Variants in FAM200B observed in about 807,000 individuals in gnomAD.
The protein encoded by FAM200B is zinc finger BED-type containing 11.
In FAM200B, 32 loss-of-function variants were observed where a neutral mutation model predicts 33.1. The observed-to-expected ratio is 0.97, with a 90% CI of 0.73 to 1.30. The LOEUF is 1.30. Among genes scored for constraint, FAM200B ranks in the 50% most tolerant of loss-of-function variants. The pLI, the probability that FAM200B is intolerant of heterozygous loss-of-function variation, is 0.00. For missense variants in FAM200B, 741 were observed against 754.0 expected, an observed-to-expected ratio of 0.98 and a Z score of 0.20; for synonymous variants, 240 against 264.8, an observed-to-expected ratio of 0.91 and a Z score of 0.91.
rs1039551868 is a variant in FAM200B, at chr4:15,690,213, T to C, written c.*1262T>C. 1 of 167,106 alleles carries C rather than the reference T, an allele frequency of 6.0e-6. No individual in the cohort carries two copies. Among genetic ancestry groups the C allele is most frequent in the African/African-American group, 2.4e-5 (1 of 41,460 alleles). 10.4% of individuals were successfully genotyped at this position (167,106 alleles called of 1,614,324 possible). A position where few individuals can be genotyped will look rare whatever the true frequency, so the allele number is the denominator to read the frequency against. ...TGATGCTTAAGCAATGTATATTGTG[T>C]AATATACAATGTAGTCTTCAAACTA... is the stretch of plus-strand genomic sequence containing the variant. On this transcript the variant is annotated 3_prime_UTR_variant, in exon 2 of 2. Transcript: ENST00000422728.
At chr4:15,655,924 C>A in the FAM200B span, among the ~76,000 whole-genome samples, 3 of 152,354 alleles carry the variant, frequency 2.0e-5, no homozygotes, top group East Asian at 5.8e-4. Context: ...GAGCTGCGGG[C>A]TCTGAGAGCT....
chr4:15,679,491 C>G (rs528954117), upstream of FAM200B, among the ~76,000 whole-genome samples: 6 of 145,758 alleles, frequency 4.1e-5, no homozygotes, highest in African/African-American at 1.5e-4. Context: ...ATTTTGATCA[C>G]AAGAGATTTT....
the FAM200B span, among the ~76,000 whole-genome samples, chr4:15,659,512 G>T: frequency 6.6e-6 from 1 of 152,164 alleles, no homozygotes; most frequent in Non-Finnish European, 1.5e-5. Context: ...AGGAGAATGT[G>T]AGCTGCACCG....
At chr4:15,683,304 TA>T (rs138128286) in intron 1 of FAM200B, among the ~76,000 whole-genome samples, 2 of 151,530 alleles carry the variant, frequency 1.3e-5, no homozygotes, top group African/African-American at 2.4e-5. Context: ...CCTATTGAGT[TA>T]AAAAAAAACT....
the FAM200B span, chr4:15,655,455 A>G: frequency 1.5e-5 from 14 of 922,840 alleles, no homozygotes; most frequent in African/African-American, 1.8e-5. Context: ...GGCCGCCGCC[A>G]TGCGATCCCT....
the FAM200B span, among the ~76,000 whole-genome samples, chr4:15,640,393 G>GAAAAAA: frequency 3.3e-5 from 3 of 91,594 alleles, no homozygotes; most frequent in Non-Finnish European, 6.3e-5. Context: ...CTACACTACT[G>GAAAAAA]AAAAAAAAAA....
rs1719003684 is a variant in FAM200B, at chr4:15,687,661, G to C, written c.684G>C (p.Gln228His). The C allele has an allele frequency of 2.6e-6, 4 of 1,551,162 alleles. No individual in the cohort carries two copies. Among genetic ancestry groups the C allele is most frequent in the Non-Finnish European group, 3.5e-6 (4 of 1,146,700 alleles). ...RLQSGIDFAI[Q>H]LDESTDIGSC... ...AGTCTGGTATAGATTTTGCAATCCA[G>C]CTTGATGAAAGCACTGATATTGGAA... Residue 228 changes from glutamine (Q) to histidine (H), a missense_variant, in exon 2 of 2, where the codon CAG becomes CAC. Physicochemically the swap from Gln to His is conservative, Grantham distance 24. Coordinates refer to ENST00000422728, the MANE Select transcript of FAM200B (RefSeq NM_001145191.2).
chr4:15,680,893 A>G (rs1718221295), upstream of FAM200B, among the ~76,000 whole-genome samples: 2 of 149,334 alleles, frequency 1.3e-5, no homozygotes, highest in African/African-American at 2.4e-5. Context: ...AACCCAAAAA[A>G]ATAAAGCAGT....
At chr4:15,671,067 G>T in the FAM200B span, among the ~76,000 whole-genome samples, 3 of 151,578 alleles carry the variant, frequency 2.0e-5, no homozygotes, top group African/African-American at 7.3e-5. Flanking sequence ...GGGATTACAG[G>T]TGCCCGCCAC....
At chr4:15,674,205 T>TG in the FAM200B span, among the ~76,000 whole-genome samples, 8 of 57,698 alleles carry the variant, frequency 1.4e-4, no homozygotes, top group Non-Finnish European at 2.8e-4. Context: ...ATGCATCGTG[T>TG]TTTTTTTTTT....
chr4:15,688,519 T>C lies in FAM200B; in HGVS notation c.1542T>C (p.Ser514=), dbSNP rs1014583588. The change falls in exon 2 of 2, where the codon TCT becomes TCC. Residue 514 remains serine, a synonymous_variant. Transcript: ENST00000422728. ...TAGAGATATTGTTGCATCTCACTTC[T>C]CTGTCTCAAACTTTTAACCATTTCT... ...IKLEILLHLT[S]LSQTFNHFFP... is the part of the protein sequence containing the mutation. 1.3e-6 allele frequency: 2 copies of C among 1,547,230 alleles called. No individual in the cohort carries two copies. The highest frequency in any genetic ancestry group is 1.7e-4 in the Middle Eastern group (1 of 5,994).
the FAM200B span, among the ~76,000 whole-genome samples, chr4:15,647,403 T>A: frequency 7.9e-5 from 12 of 152,166 alleles, no homozygotes; most frequent in Admixed American, 5.9e-4. Flanking sequence ...AATACTATGC[T>A]ATTTTATCTG....
At chr4:15,654,286 C>T in the FAM200B span, among the ~76,000 whole-genome samples, 5 of 152,200 alleles carry the variant, frequency 3.3e-5, no homozygotes, top group Non-Finnish European at 7.3e-5. Context: ...ACGGGACTGC[C>T]TGAGGTTTGC....
upstream of FAM200B, among the ~76,000 whole-genome samples, chr4:15,679,913 T>C (rs62290605): frequency 0.29 from 43,471 of 152,098 alleles, 6,453 homozygotes; most frequent in East Asian, 0.47. Flanking sequence ...AATCTGACAG[T>C]TACCCCTGCA....
the FAM200B span, among the ~76,000 whole-genome samples, chr4:15,637,812 A>C: frequency 1.1e-4 from 16 of 152,134 alleles, no homozygotes; most frequent in Admixed American, 7.2e-4. Flanking sequence ...AAAAAACTCC[A>C]AGCTATTTTA....
chr4:15,679,265 G>C (rs1718109883), upstream of FAM200B, among the ~76,000 whole-genome samples: 1 of 151,946 alleles, frequency 6.6e-6, no homozygotes, highest in Non-Finnish European at 1.5e-5. Flanking sequence ...GTTTCACCAT[G>C]TTGGTCAGGA....
the FAM200B span, among the ~76,000 whole-genome samples, chr4:15,665,644 C>A: frequency 1.3e-5 from 2 of 152,042 alleles, no homozygotes; most frequent in Non-Finnish European, 2.9e-5. Flanking sequence ...ATACTAGAGC[C>A]CCGACATGTT....
the FAM200B span, chr4:15,655,397 G>GGC: frequency 2.1e-5 from 22 of 1,031,600 alleles, no homozygotes; most frequent in South Asian, 4.5e-5. Context: ...CCGCCCCGTC[G>GGC]GCGCGCGCGC....
the FAM200B span, among the ~76,000 whole-genome samples, chr4:15,643,138 A>G: frequency 6.6e-6 from 1 of 152,206 alleles, no homozygotes; most frequent in East Asian, 1.9e-4. Context: ...TATTAATATT[A>G]CTATCTAGTA....
Sources: allele counts gnomAD v4.1 joint callset (sites outside exome capture counted in the v4.1 genomes callset), GRCh38; gene constraint gnomAD v4.1.1; transcripts MANE v1.5; gene names NCBI Gene and HGNC (gene_info 2026-07-23, HGNC 2026-07-21).